The following DCDC1 variants were observed in gnomAD, a reference collection of about 807,000 sequenced individuals.
DCDC1 encodes the protein doublecortin domain containing 1.
A neutral mutation model predicts 178.3 loss-of-function variants in DCDC1; 200 were observed. That is an observed-to-expected ratio of 1.12 (90% CI 1.00 to 1.26). The LOEUF (loss-of-function observed/expected upper bound fraction) is 1.26, where lower values mean the gene tolerates loss of function less well. DCDC1 is among the 50% of genes most tolerant of loss of function. DCDC1 has a pLI of 0.00. For synonymous variants in DCDC1, 690 were observed against 604.8 expected (o/e 1.14, Z -2.07); for missense variants, 1,983 against 1,749.2 (o/e 1.13, Z -2.38).
intron 22 of DCDC1, among the ~76,000 whole-genome samples, chr11:30,925,978 C>T (rs1323546871): frequency 6.6e-6 from 1 of 152,142 alleles, no homozygotes; most frequent in Non-Finnish European, 1.5e-5. Flanking sequence ...ACTCCCACAA[C>T]CCCCTGCCTT....
intron 22 of DCDC1, among the ~76,000 whole-genome samples, chr11:30,929,661 A>T (rs1425865314): frequency 6.6e-6 from 1 of 152,082 alleles, no homozygotes; most frequent in Non-Finnish European, 1.5e-5. Context: ...ATATATATTG[A>T]AATCATCTAA....
At chr11:31,224,798 A>G (rs1057215560) in intron 9 of DCDC1, among the ~76,000 whole-genome samples, 3 of 152,244 alleles carry the variant, frequency 2.0e-5, no homozygotes, top group Middle Eastern at 3.4e-3. Flanking sequence ...GCAAATTAGA[A>G]CCACAATGAG....
chr11:30,983,087 C>T (rs1950472537), intron 20 of DCDC1, among the ~76,000 whole-genome samples: 1 of 152,032 alleles, frequency 6.6e-6, no homozygotes, highest in African/African-American at 2.4e-5. Flanking sequence ...TCTAATATAA[C>T]AGGAATAGAT....
At chr11:31,368,437 A>G (rs1387361849) in intron 1 of DCDC1, among the ~76,000 whole-genome samples, 1 of 152,184 alleles carries the variant, frequency 6.6e-6, no homozygotes, top group African/African-American at 2.4e-5. Context: ...TTAGAAAAGC[A>G]TTCACCACAC....
intron 20 of DCDC1, among the ~76,000 whole-genome samples, chr11:31,029,516 T>C (rs1953478996): frequency 6.6e-6 from 1 of 152,196 alleles, no homozygotes; most frequent in Non-Finnish European, 1.5e-5. Context: ...ACAAATATAG[T>C]TTTATAAGCT....
intron 10 of DCDC1, among the ~76,000 whole-genome samples, chr11:31,132,408 C>A (rs1962554232): frequency 6.6e-6 from 1 of 152,150 alleles, no homozygotes; most frequent in Non-Finnish European, 1.5e-5. Flanking sequence ...TAATATAATA[C>A]TCATGAATTA....
At chr11:30,957,362 C>T (rs1723899520) in intron 20 of DCDC1, among the ~76,000 whole-genome samples, 1 of 152,160 alleles carries the variant, frequency 6.6e-6, no homozygotes, top group Non-Finnish European at 1.5e-5. Flanking sequence ...CCCTTTCTCT[C>T]CTAAACCATT....
At chr11:31,365,162 C>A (rs893114375) in intron 1 of DCDC1, among the ~76,000 whole-genome samples, 1 of 152,056 alleles carries the variant, frequency 6.6e-6, no homozygotes, top group African/African-American at 2.4e-5. Context: ...TTGTAACTAA[C>A]GGAGTGTGGG....
intron 9 of DCDC1, among the ~76,000 whole-genome samples, chr11:31,197,356 T>C (rs979742979): frequency 2.0e-5 from 3 of 152,198 alleles, no homozygotes; most frequent in Admixed American, 2.0e-4. Flanking sequence ...ATCTTTCCTT[T>C]TTGCAAATGC....
At chr11:30,881,847 G>A (rs2133978531) in intron 36 of DCDC1, among the ~76,000 whole-genome samples, 1 of 152,210 alleles carries the variant, frequency 6.6e-6, no homozygotes, top group East Asian at 1.9e-4. Context: ...TTCCTAGAGA[G>A]GCCTTATTAA....
intron 6 of DCDC1, among the ~76,000 whole-genome samples, chr11:31,294,805 A>AG (rs1555168173): frequency 3.7e-5 from 1 of 27,208 alleles, no homozygotes; most frequent in African/African-American, 1.4e-4. Flanking sequence ...AGAAAAAGAA[A>AG]GAAAGAAAGA....
At chr11:31,097,383 T>C (rs906286093) in intron 15 of DCDC1, among the ~76,000 whole-genome samples, 1 of 152,186 alleles carries the variant, frequency 6.6e-6, no homozygotes, top group African/African-American at 2.4e-5. Context: ...TTTGAACAAA[T>C]TGTTTATTCT....
intron 9 of DCDC1, chr11:31,215,094 T>C (rs1033669868): frequency 9.8e-6 from 2 of 204,438 alleles, no homozygotes; most frequent in South Asian, 1.3e-4. Context: ...TTTTAAAAAT[T>C]AAACTTATCT....
In DCDC1 at chr11:31,086,471, T is replaced by C. The variant is rs114569489; in HGVS notation, c.2237+4922A>G. Among the ~76,000 whole-genome samples, 160 of 152,328 alleles carry C rather than the reference T, an allele frequency of 1.1e-3. 2 individuals carry two copies. Among genetic ancestry groups the C allele is most frequent in the African/African-American group, 3.6e-3 (148 of 41,584 alleles). ...TTTGCAAATATATATGACTTGCAAATATTTGCATCTTGTGTGTGGCTTGTC... is the reference window on the plus strand; with the variant it reads ...TTTGCAAATATATATGACTTGCAAACATTTGCATCTTGTGTGTGGCTTGTC... On this transcript the variant is annotated intron_variant, in intron 17 of 38. Transcript: ENST00000684477.
rs189613707 is a variant in DCDC1 at position 31,164,815 on chromosome 11, G to A, written c.1222-27031C>T. ...AAGTGTTTATAAAGTCCACAGTAGC[G>A]TTCAGTAATATCCTAAGTTTTCACA... is the stretch of plus-strand genomic sequence containing the variant. On this transcript the variant is annotated intron_variant, in intron 9 of 38. Transcript: ENST00000684477. 5.6e-4 allele frequency among the ~76,000 whole-genome samples: 85 copies of A among 152,174 alleles called. No individual in the cohort carries two copies. In the Middle Eastern group the frequency reaches 0.01, roughly 18 times the overall value.
intron 9 of DCDC1, among the ~76,000 whole-genome samples, chr11:31,141,960 A>G (rs1963876973): frequency 6.6e-6 from 1 of 152,204 alleles, no homozygotes; most frequent in South Asian, 2.1e-4. Context: ...TCAATAACTC[A>G]TTGTGTGTTA....
At chr11:30,994,618 T>C (rs916499783) in intron 20 of DCDC1, among the ~76,000 whole-genome samples, 10 of 145,926 alleles carry the variant, frequency 6.9e-5, no homozygotes, top group Non-Finnish European at 4.5e-5. Flanking sequence ...TTTATCTATA[T>C]ATATAAATTA....
intron 38 of DCDC1, among the ~76,000 whole-genome samples, chr11:30,869,983 G>T (rs533561875): frequency 3.2e-4 from 48 of 152,296 alleles, no homozygotes; most frequent in African/African-American, 1.1e-3. Context: ...GGGGGTGGGG[G>T]TGTGTGCAGT....
At chr11:31,013,341 T>C (rs1171401057) in intron 20 of DCDC1, among the ~76,000 whole-genome samples, 4 of 152,178 alleles carry the variant, frequency 2.6e-5, no homozygotes, top group Non-Finnish European at 5.9e-5. Flanking sequence ...TTTAAGAAAT[T>C]TTTATCAAAT....
Sources: allele counts gnomAD v4.1 joint callset (sites outside exome capture counted in the v4.1 genomes callset), GRCh38; gene constraint gnomAD v4.1.1; transcripts MANE v1.5; gene names NCBI Gene and HGNC (gene_info 2026-07-23, HGNC 2026-07-21).